Variants in GSKIP observed in about 807,000 individuals in gnomAD.
GSKIP encodes the protein GSK3B-interacting protein.
Under a neutral mutation model 11.9 loss-of-function variants are expected in GSKIP, and 5 were observed. The observed-to-expected ratio is 0.42, with a 90% CI of 0.22 to 0.89. GSKIP has a LOEUF of 0.89. GSKIP is among the 40% of genes least tolerant of loss of function. GSKIP has a pLI of 0.29. For synonymous variants in GSKIP, 70 were observed against 62.9 expected, an observed-to-expected ratio of 1.11 and a Z score of -0.54; for missense variants, 150 against 166.6, an observed-to-expected ratio of 0.90 and a Z score of 0.55.
intron 1 of GSKIP, among the ~76,000 whole-genome samples, chr14:96,376,784 C>T (rs1426489730): frequency 6.6e-6 from 1 of 152,054 alleles, no homozygotes; most frequent in Non-Finnish European, 1.5e-5. Flanking sequence ...CAGTAGATAT[C>T]TTTTATTAGT....
At chr14:96,366,436 G>A (rs1888886239) in intron 1 of GSKIP, among the ~76,000 whole-genome samples, 1 of 152,216 alleles carries the variant, frequency 6.6e-6, no homozygotes, top group Non-Finnish European at 1.5e-5. Flanking sequence ...CTTTCTAGGA[G>A]AAATTCAGTA....
rs370318470 is a variant in GSKIP at position 96,382,502 on chromosome 14, C to T, written c.255C>T (p.Leu85=). 5.6e-6 allele frequency: 9 copies of T among 1,595,582 alleles called. No individual in the cohort carries two copies. The highest frequency in any genetic ancestry group is 7.7e-6 in the Non-Finnish European group (9 of 1,171,522). Residue 85 remains leucine (L), a synonymous_variant, in exon 3 of 4, where the codon CTC becomes CTT. Coordinates refer to ENST00000555181, the MANE Select transcript of GSKIP (RefSeq NM_016472.5). ...GCCTAGAACTCACTGAAGCAGGGCT[C>T]AAGGTAACTCACTTTTCCTTTTAGA... ...RYCLELTEAG[L]KVVGYAFDQV... is the part of the protein sequence containing the mutation.
At chr14:96,367,570 A>G (rs890733088) in intron 1 of GSKIP, among the ~76,000 whole-genome samples, 3 of 152,248 alleles carry the variant, frequency 2.0e-5, no homozygotes, top group African/African-American at 4.8e-5. Context: ...GACTAAGTAT[A>G]TATGACTGTC....
At chr14:96,371,659 C>G (rs986638066) in intron 1 of GSKIP, among the ~76,000 whole-genome samples, 1 of 152,086 alleles carries the variant, frequency 6.6e-6, no homozygotes, top group Non-Finnish European at 1.5e-5. Context: ...GTTGGCCAGA[C>G]TGGTCACAAA....
intron 2 of GSKIP, among the ~76,000 whole-genome samples, chr14:96,380,944 C>G (rs182280189): frequency 6.6e-5 from 10 of 152,212 alleles, no homozygotes; most frequent in African/African-American, 2.4e-4. Context: ...TAGACCTTGA[C>G]CACAGTGCCC....
At position 96,382,479 on chromosome 14, in the gene GSKIP, CT is replaced by C; in HGVS notation, c.233del (p.Leu78GlnfsTer11). ...VETKERNRYC[L>X]ELTEAGLKVV... ...AACAAAGGAAAGAAACAGATATTGC[CT>C]AGAACTCACTGAAGCAGGGCTCAAG... On this transcript the variant is annotated frameshift_variant, in exon 3 of 4. Transcript: ENST00000555181. LOFTEE classifies it high-confidence loss of function. 1 of 1,612,780 alleles carries C rather than the reference CT, an allele frequency of 6.2e-7. No homozygotes were observed. The highest frequency in any genetic ancestry group is 8.5e-7 in the Non-Finnish European group (1 of 1,179,062).
chr14:96,366,767 C>T (rs1165681555), intron 1 of GSKIP, among the ~76,000 whole-genome samples: 2 of 152,160 alleles, frequency 1.3e-5, no homozygotes, highest in African/African-American at 4.8e-5. Flanking sequence ...AATAATTACC[C>T]AACCGAATAT....
intron 3 of GSKIP, 124 bp from the exon 4 acceptor site, chr14:96,385,399 T>G: frequency 1.5e-6 from 1 of 676,562 alleles, no homozygotes; most frequent in Non-Finnish European, 2.5e-6. Flanking sequence ...TATCTGGTGG[T>G]CTAGTGGCTA....
At chr14:96,385,270 A>G (rs1424614571) in intron 3 of GSKIP, among the ~76,000 whole-genome samples, 1 of 152,176 alleles carries the variant, frequency 6.6e-6, no homozygotes, top group Admixed American at 6.5e-5. Context: ...TGAAAATTCT[A>G]TAGGGAGCAT....
chr14:96,371,782 T>C (rs570126769), intron 1 of GSKIP, among the ~76,000 whole-genome samples: 1 of 152,156 alleles, frequency 6.6e-6, no homozygotes, highest in African/African-American at 2.4e-5. Context: ...CAAAGAGCAA[T>C]AGCATAACTG....
In GSKIP at chr14:96,382,294, T is replaced by G; in HGVS notation, c.47T>G (p.Phe16Cys). Residue 16 changes from phenylalanine (F) to cysteine (C), a missense_variant, in exon 3 of 4, where the codon TTT (phenylalanine) becomes TGT (cysteine). Transcript: ENST00000555181. ...ATGGAGCTAAGCAGTATGTCAGGAT[T>G]TGAAGAAGGTTCAGAGCTGAACGGT... ...NPMELSSMSG[F>C]EEGSELNGFE... 2 of 1,613,050 alleles carry G rather than the reference T, an allele frequency of 1.2e-6. No homozygotes were observed. The highest frequency in any genetic ancestry group is 1.1e-5 in the South Asian group (1 of 91,036).
At chr14:96,366,503 A>G (rs940864422) in intron 1 of GSKIP, among the ~76,000 whole-genome samples, 1 of 152,210 alleles carries the variant, frequency 6.6e-6, no homozygotes, top group African/African-American at 2.4e-5. Flanking sequence ...GTAGGGTACA[A>G]ACTCATCTCA....
chr14:96,377,295 T>G (rs1889228259), intron 1 of GSKIP, among the ~76,000 whole-genome samples: 1 of 152,224 alleles, frequency 6.6e-6, no homozygotes, highest in African/African-American at 2.4e-5. Context: ...TCTTATATGA[T>G]GATAAATTGT....
chr14:96,371,578 G>A (rs1202595987), intron 1 of GSKIP, among the ~76,000 whole-genome samples: 1 of 151,744 alleles, frequency 6.6e-6, no homozygotes, highest in Non-Finnish European at 1.5e-5. Flanking sequence ...CCCAGTAGCT[G>A]GGATTATAGG....
At position 96,382,391 on chromosome 14, in the gene GSKIP, TAAC is replaced by T. The variant is rs1382374488; in HGVS notation, c.149_151del (p.Asn50del). On this transcript the variant is annotated inframe_deletion, in exon 3 of 4. Coordinates refer to ENST00000555181, the MANE Select transcript of GSKIP (RefSeq NM_016472.5). ...TTGTAAATGATGTTCTCTTTGCTGTTAACAACATGTTTGTCTCGAAAAGCCTGC... is the reference window on the plus strand; with the variant it reads ...TTGTAAATGATGTTCTCTTTGCTGTTAACATGTTTGTCTCGAAAAGCCTGC... 3.1e-6 allele frequency: 5 copies of T among 1,613,934 alleles called. No individual in the cohort carries two copies. Among genetic ancestry groups the T allele is most frequent in the African/African-American group, 1.3e-5 (1 of 74,930 alleles).
intron 1 of GSKIP, among the ~76,000 whole-genome samples, chr14:96,367,513 T>G (rs184374731): frequency 7.2e-5 from 11 of 152,350 alleles, no homozygotes; most frequent in African/African-American, 2.6e-4. Context: ...AGTGAAAATT[T>G]GCACTCCATA....
intron 1 of GSKIP, among the ~76,000 whole-genome samples, chr14:96,375,995 A>G (rs1595349029): frequency 6.6e-6 from 1 of 152,158 alleles, no homozygotes; most frequent in Non-Finnish European, 1.5e-5. Context: ...TGACCCAGTC[A>G]CCTCTTAAGG....
At chr14:96,381,217 C>T (rs1889336924) in intron 2 of GSKIP, among the ~76,000 whole-genome samples, 1 of 152,102 alleles carries the variant, frequency 6.6e-6, no homozygotes, top group Admixed American at 6.5e-5. Context: ...TTTTTAACCC[C>T]AGTTACAGAA....
chr14:96,378,352 AAAGG>A (rs1254185225), intron 1 of GSKIP, among the ~76,000 whole-genome samples: 1 of 152,210 alleles, frequency 6.6e-6, no homozygotes, highest in East Asian at 1.9e-4. Flanking sequence ...CTCCAAAAAA[AAAGG>A]AAGAGCAGAA....
Sources: gnomAD v4.1 joint callset for allele counts (sites outside exome capture counted in the v4.1 genomes callset) on GRCh38, gnomAD v4.1.1 for gene constraint, MANE v1.5 for transcripts, NCBI Gene and HGNC (gene_info 2026-07-23, HGNC 2026-07-21) for gene names.